SLC25A40: variants seen among roughly 807,000 people sequenced by gnomAD.
SLC25A40 encodes the protein mitochondrial glutathione transporter SLC25A40.
Under a neutral mutation model 46.5 loss-of-function variants are expected in SLC25A40, and 41 were observed. The observed-to-expected ratio is 0.88, with a 90% CI of 0.69 to 1.14. The LOEUF (loss-of-function observed/expected upper bound fraction) is 1.14. Among genes scored for constraint, SLC25A40 ranks in the 50% most tolerant of loss-of-function variants. The probability of loss-of-function intolerance (pLI) is 0.00; values close to 1 mark genes in which losing one functional copy is unlikely to be tolerated. For missense variants in SLC25A40, 386 were observed against 393.6 expected, an observed-to-expected ratio of 0.98 and a Z score of 0.16; for synonymous variants, 126 against 127.5, an observed-to-expected ratio of 0.99 and a Z score of 0.08.
chr7:87,838,587 T>G (rs1838288830), intron 10 of SLC25A40, among the ~76,000 whole-genome samples: 2 of 151,546 alleles, frequency 1.3e-5, no homozygotes, highest in South Asian at 4.1e-4. Flanking sequence ...ACCTCTATTT[T>G]TCAGATCCAG....
intron 8 of SLC25A40, among the ~76,000 whole-genome samples, chr7:87,844,205 T>G (rs1208677575): frequency 6.6e-6 from 1 of 152,052 alleles, no homozygotes; most frequent in Non-Finnish European, 1.5e-5. Flanking sequence ...CAAACTGAAG[T>G]CAGAAATATT....
chr7:87,856,217 T>A (rs1319430654), intron 4 of SLC25A40, 75 bp downstream of exon 4: 3 of 1,272,132 alleles, frequency 2.4e-6, no homozygotes, highest in African/African-American at 1.5e-5. Context: ...AGCAAATGAA[T>A]GTTAGGCAAA....
At chr7:87,844,551 C>G (rs1176482462) in intron 8 of SLC25A40, among the ~76,000 whole-genome samples, 1 of 151,848 alleles carries the variant, frequency 6.6e-6, no homozygotes, top group Admixed American at 6.6e-5. Context: ...TTCAAAAATT[C>G]ACTGGGCAGC....
chr7:87,847,535 T>G (rs1838439925), intron 7 of SLC25A40, among the ~76,000 whole-genome samples: 1 of 152,062 alleles, frequency 6.6e-6, no homozygotes, highest in Non-Finnish European at 1.5e-5. Context: ...GGAAAGTGAT[T>G]CAGGACTTTG....
intron 8 of SLC25A40, 53 bp from the exon 9 acceptor site, chr7:87,843,916 TTAATAAAAGAG>T: frequency 6.8e-7 from 1 of 1,477,856 alleles, no homozygotes; most frequent in Non-Finnish European, 9.2e-7. Context: ...AATGTGGACT[TTAATAAAAGAG>T]TTATGAGGTT....
intron 1 of SLC25A40, among the ~76,000 whole-genome samples, chr7:87,868,223 A>AG (rs1038536675): frequency 1.1e-4 from 16 of 152,220 alleles, no homozygotes; most frequent in Non-Finnish European, 2.4e-4. Context: ...CATGAATTAA[A>AG]GGGAACTATT....
chr7:87,836,665 T>G, intron 11 of SLC25A40, 65 bp downstream of exon 11: 1 of 1,089,558 alleles, frequency 9.2e-7, no homozygotes, highest in Non-Finnish European at 1.3e-6. Flanking sequence ...ATAAGTTAAT[T>G]TTAGAAGGTA....
At chr7:87,851,862 TA>T (rs1471201678) in intron 5 of SLC25A40, among the ~76,000 whole-genome samples, 14 of 152,120 alleles carry the variant, frequency 9.2e-5, no homozygotes, top group African/African-American at 3.4e-4. Context: ...AATGGAATGC[TA>T]AAAAATGTTC....
chr7:87,856,877 T>C (rs1311978799), intron 3 of SLC25A40, among the ~76,000 whole-genome samples: 1 of 152,218 alleles, frequency 6.6e-6, no homozygotes, highest in African/African-American at 2.4e-5. Flanking sequence ...ATGCATGCTA[T>C]ATTTTATCCA....
chr7:87,839,289 T>C (rs1295690764), intron 10 of SLC25A40, among the ~76,000 whole-genome samples: 1 of 151,462 alleles, frequency 6.6e-6, no homozygotes, highest in Admixed American at 6.6e-5. Context: ...ATTTCTATTT[T>C]AAAATAGAAA....
At chr7:87,873,831 T>A (rs1258330111) in intron 1 of SLC25A40, among the ~76,000 whole-genome samples, 4 of 152,196 alleles carry the variant, frequency 2.6e-5, no homozygotes, top group African/African-American at 9.7e-5. Context: ...ATTCATTTAA[T>A]TAGATCATGA....
In SLC25A40 at chr7:87,875,006, C is replaced by T. The variant is rs1256421023; in HGVS notation, c.-94+1090G>A. Among the ~76,000 whole-genome samples, 5 of 152,118 alleles carry T rather than the reference C, an allele frequency of 3.3e-5. No individual in the cohort carries two copies. In the East Asian group the frequency reaches 7.7e-4, roughly 23 times the overall value. On this transcript the variant is annotated intron_variant, in intron 1 of 11. Transcript: ENST00000341119. Reference sequence around the variant, plus strand: ...TTTCTGTAAATATAAACATTTTGTGCTCTCTGTAGCTTATATTTTGAAAAT... The same window carrying T: ...TTTCTGTAAATATAAACATTTTGTGTTCTCTGTAGCTTATATTTTGAAAAT...
At chr7:87,865,634 C>T (rs114898330) in intron 1 of SLC25A40, among the ~76,000 whole-genome samples, 1,606 of 152,148 alleles carry the variant, frequency 0.011, 34 homozygotes, top group African/African-American at 0.036. Flanking sequence ...TAGCCAGGTG[C>T]AGTGGTGCAT....
chr7:87,847,701 G>T, intron 7 of SLC25A40, 152 bp downstream of exon 7: 1 of 665,078 alleles, frequency 1.5e-6, no homozygotes, highest in Non-Finnish European at 2.2e-6. Context: ...GACTTCTGGA[G>T]TACCTATACT....
rs1838612737 is a variant in SLC25A40, at chr7:87,856,301, G to A, written c.148C>T (p.Leu50Phe). 3.7e-6 allele frequency: 6 copies of A among 1,612,316 alleles called. No individual in the cohort carries two copies. Among genetic ancestry groups the A allele is most frequent in the South Asian group, 1.1e-5 (1 of 91,010 alleles). ...CAATTAGTACACATACCTTTGGGGAGTGGGTTGTTTTGGGCTTGGAGTCTA... is the reference window on the plus strand; with the variant it reads ...CAATTAGTACACATACCTTTGGGGAATGGGTTGTTTTGGGCTTGGAGTCTA... ...KIRLQAQNNPLPKGKCFVYSN... is the reference protein window; with the variant it reads ...KIRLQAQNNPFPKGKCFVYSN... The change falls in exon 4 of 12, where the codon CTC (leucine) becomes TTC (phenylalanine). Residue 50 changes from leucine to phenylalanine, a missense_variant. Physicochemically the swap from Leu to Phe is conservative, Grantham distance 22. Coordinates refer to ENST00000341119, the MANE Select transcript of SLC25A40 (RefSeq NM_018843.4).
intron 10 of SLC25A40, among the ~76,000 whole-genome samples, chr7:87,839,607 G>A (rs900874560): frequency 1.2e-4 from 18 of 151,622 alleles, no homozygotes; most frequent in African/African-American, 4.1e-4. Context: ...CATAAATTAG[G>A]TAAAAGTTAT....
At chr7:87,845,277 C>T (rs542076837) in intron 8 of SLC25A40, among the ~76,000 whole-genome samples, 1 of 152,102 alleles carries the variant, frequency 6.6e-6, no homozygotes, top group Non-Finnish European at 1.5e-5. Flanking sequence ...TTCAATAGAT[C>T]AGGGGTCCAC....
intron 9 of SLC25A40, chr7:87,842,067 CAT>C (rs1216537077): frequency 2.8e-6 from 1 of 357,258 alleles, no homozygotes; most frequent in South Asian, 2.2e-5. Context: ...AGATACAACA[CAT>C]ATGTCAAAGC....
chr7:87,874,283 A>G (rs1298336548), intron 1 of SLC25A40, among the ~76,000 whole-genome samples: 1 of 152,192 alleles, frequency 6.6e-6, no homozygotes, highest in African/African-American at 2.4e-5. Flanking sequence ...AATAAGACAC[A>G]CAATTCATCT....
Sources: allele counts gnomAD v4.1 joint callset (sites outside exome capture counted in the v4.1 genomes callset), GRCh38; gene constraint gnomAD v4.1.1; transcripts MANE v1.5; gene names NCBI Gene and HGNC (gene_info 2026-07-23, HGNC 2026-07-21).